The following RAD54L2 variants were observed in gnomAD, a reference collection of about 807,000 sequenced individuals.
RAD54L2 encodes the protein helicase ARIP4.
A neutral mutation model predicts 138.4 loss-of-function variants in RAD54L2; 27 were observed. The ratio of observed to expected loss-of-function variants is 0.20; its 90% CI spans 0.14 to 0.27. The LOEUF (loss-of-function observed/expected upper bound fraction) is 0.27, where lower values mean the gene tolerates loss of function less well. Ranked by LOEUF, RAD54L2 falls within the 10% of genes least tolerant of loss-of-function variation. RAD54L2 has a pLI of 1.00. For synonymous variants in RAD54L2, 644 were observed against 723.2 expected, an observed-to-expected ratio of 0.89 and a Z score of 1.76; for missense variants, 1,396 against 1,890.2, an observed-to-expected ratio of 0.74 and a Z score of 4.85.
At position 51,548,145 on chromosome 3, in the gene RAD54L2, C is replaced by T. The variant is rs529679790; in HGVS notation, c.-55+6495C>T. 2.4e-4 allele frequency among the ~76,000 whole-genome samples: 37 copies of T among 151,196 alleles called. No homozygotes were observed. The South Asian group carries it at 5.9e-3, about 24-fold the overall frequency. ...CTGACCTCAGGTGATCTGCACATCT[C>T]GGCCTCCCAAAATGTTGGGATCACT... On this transcript the variant is annotated intron_variant, in intron 2 of 22. Transcript: ENST00000684192.
At chr3:51,630,129 T>G in intron 5 of RAD54L2, 143 bp from the exon 6 acceptor site, 1 of 612,590 alleles carries the variant, frequency 1.6e-6, no homozygotes, top group East Asian at 2.9e-5. Flanking sequence ...AGGGCTGAGG[T>G]TTTTGAGATG....
At chr3:51,547,668 A>G (rs782513478) in intron 2 of RAD54L2, among the ~76,000 whole-genome samples, 1 of 143,334 alleles carries the variant, frequency 7.0e-6, no homozygotes, top group Non-Finnish European at 1.5e-5. Context: ...TGCAGCTTCC[A>G]CCTCCTGGGT....
intron 2 of RAD54L2, among the ~76,000 whole-genome samples, chr3:51,588,560 GAA>G (rs1025313574): frequency 2.8e-5 from 4 of 143,336 alleles, no homozygotes; most frequent in Non-Finnish European, 6.1e-5. Flanking sequence ...AAAAAGAAAA[GAA>G]AATTTGAAAT....
chr3:51,582,402 T>C (rs1013666230), intron 2 of RAD54L2, among the ~76,000 whole-genome samples: 44 of 152,146 alleles, frequency 2.9e-4, no homozygotes, highest in African/African-American at 9.9e-4. Flanking sequence ...CTTATCACCT[T>C]CATTTTACAC....
intron 2 of RAD54L2, among the ~76,000 whole-genome samples, chr3:51,565,334 T>C (rs940429961): frequency 3.4e-5 from 5 of 147,134 alleles, no homozygotes; most frequent in Non-Finnish European, 7.6e-5. Flanking sequence ...AGGTAGAGGC[T>C]GCAGGCTGCA....
At chr3:51,601,768 A>G (rs753678322) in intron 3 of RAD54L2, among the ~76,000 whole-genome samples, 1 of 151,370 alleles carries the variant, frequency 6.6e-6, no homozygotes, top group Non-Finnish European at 1.5e-5. Flanking sequence ...GTATGTTTGA[A>G]TAGCTCATTC....
intron 3 of RAD54L2, among the ~76,000 whole-genome samples, chr3:51,610,328 G>C (rs1009813966): frequency 1.3e-5 from 2 of 152,070 alleles, no homozygotes; most frequent in African/African-American, 4.8e-5. Context: ...TTGGGACCGG[G>C]CATGGTGGCT....
At chr3:51,595,901 A>G (rs929503411) in intron 3 of RAD54L2, among the ~76,000 whole-genome samples, 4 of 149,288 alleles carry the variant, frequency 2.7e-5, no homozygotes, top group African/African-American at 9.8e-5. Flanking sequence ...CTTTCCTTAT[A>G]TAATAGTTTT....
chr3:51,648,358 T>C (rs1701339085), intron 19 of RAD54L2, among the ~76,000 whole-genome samples: 1 of 152,182 alleles, frequency 6.6e-6, no homozygotes. Flanking sequence ...AGATTCCACC[T>C]CTGGGGGCAG....
chr3:51,635,076 A>G (rs1205091244), intron 9 of RAD54L2, among the ~76,000 whole-genome samples: 2 of 152,242 alleles, frequency 1.3e-5, no homozygotes, highest in East Asian at 1.9e-4. Context: ...ACATGCAATC[A>G]GTGAAATACA....
At chr3:51,654,469 C>T (rs1701543953) in intron 19 of RAD54L2, among the ~76,000 whole-genome samples, 1 of 152,180 alleles carries the variant, frequency 6.6e-6, no homozygotes, top group South Asian at 2.1e-4. Context: ...GGGAGAATCG[C>T]TTGAGTCCAG....
In RAD54L2 at chr3:51,639,873, T is replaced by C; in HGVS notation, c.2113-8T>C. 1 of 1,583,470 alleles carries C rather than the reference T, an allele frequency of 6.3e-7. No homozygotes were observed. Among genetic ancestry groups the C allele is most frequent in the Non-Finnish European group, 8.6e-7 (1 of 1,156,644 alleles). On this transcript the variant is annotated splice_region_variant and splice_polypyrimidine_tract_variant and intron_variant, in intron 13 of 22. Transcript: ENST00000684192. ...CCTGCTCTAAGCTGCCTTGTTTCTC[T>C]CTTGCAGGCCAAGGACCTTCTGACT...
In RAD54L2 at chr3:51,579,515, GT is replaced by G. The variant is rs547339794; in HGVS notation, c.-54-10848del. The stretch of plus-strand genomic sequence containing the variant: ...AGTTTTCTCCTAATTCTCATTATCA[GT>G]TTTATTATTACTTAAAATATGGAAA... On this transcript the variant is annotated intron_variant, in intron 2 of 22. Coordinates refer to ENST00000684192, the MANE Select transcript of RAD54L2 (RefSeq NM_015106.4). 3.3e-5 allele frequency among the ~76,000 whole-genome samples: 5 copies of G among 152,146 alleles called. No homozygotes were observed. The South Asian group carries it at 1.0e-3, about 32-fold the overall frequency.
At chr3:51,625,378 A>AT (rs1288696663) in intron 3 of RAD54L2, among the ~76,000 whole-genome samples, 10 of 152,208 alleles carry the variant, frequency 6.6e-5, no homozygotes, top group African/African-American at 2.2e-4. Context: ...AGATCGTGTC[A>AT]TTGTATTCCA....
intron 2 of RAD54L2, among the ~76,000 whole-genome samples, chr3:51,547,502 G>A (rs145189688): frequency 3.3e-5 from 5 of 152,222 alleles, no homozygotes; most frequent in Non-Finnish European, 7.4e-5. Context: ...AATAGTAGGC[G>A]GAAATGAAAA....
Position 51,657,916 on chromosome 3 carries a change from CTTTTTTTTTTT to C in RAD54L2, c.3316+264_3316+274del, listed in dbSNP as rs71084155. Among the ~76,000 whole-genome samples, 10 of 87,444 alleles carry C rather than the reference CTTTTTTTTTTT, an allele frequency of 1.1e-4. No homozygotes were observed. In the South Asian group the frequency reaches 1.3e-3, roughly 12 times the overall value. The allele number at this position is 87,444 out of a possible 152,430, so 57.4% of individuals were successfully genotyped here. A position where few individuals can be genotyped will look rare whatever the true frequency, so the allele number is the denominator to read the frequency against. On this transcript the variant is annotated intron_variant, in intron 21 of 22. Coordinates refer to ENST00000684192, the MANE Select transcript of RAD54L2 (RefSeq NM_015106.4). ...TCCCTACATTTCTCTATCTTGCTGT[CTTTTTTTTTTT>C]TTTTTTTTTTTTTTTTGAGATGGAG...
intron 3 of RAD54L2, among the ~76,000 whole-genome samples, chr3:51,614,252 C>T (rs996773141): frequency 2.6e-5 from 4 of 151,912 alleles, no homozygotes; most frequent in Non-Finnish European, 5.9e-5. Flanking sequence ...ACCTAGATCT[C>T]CTGGCCTCCA....
At chr3:51,609,684 A>C (rs1700284864) in intron 3 of RAD54L2, among the ~76,000 whole-genome samples, 1 of 144,842 alleles carries the variant, frequency 6.9e-6, no homozygotes, top group African/African-American at 2.6e-5. Flanking sequence ...CAACTACTGA[A>C]TCCTTGTGGG....
intron 3 of RAD54L2, among the ~76,000 whole-genome samples, chr3:51,609,975 A>T (rs1163956099): frequency 0.021 from 4 of 190 alleles, no homozygotes; most frequent in African/African-American, 0.087. Context: ...GATTTGGGGT[A>T]AAAAAAAAAA....
Sources: allele counts gnomAD v4.1 joint callset (sites outside exome capture counted in the v4.1 genomes callset), GRCh38; gene constraint gnomAD v4.1.1; transcripts MANE v1.5; gene names NCBI Gene and HGNC (gene_info 2026-07-23, HGNC 2026-07-21).